ULK4: variants seen among roughly 807,000 people sequenced by gnomAD.
ULK4 encodes unc-51 like kinase 4.
Under a neutral mutation model 160.6 loss-of-function variants are expected in ULK4, and 133 were observed. The ratio of observed to expected loss-of-function variants is 0.83; its 90% CI spans 0.72 to 0.96. ULK4 has a LOEUF of 0.96. ULK4 is among the 40% of genes least tolerant of loss of function. ULK4 has a pLI of 0.00. For synonymous variants in ULK4, 534 were observed against 539.8 expected, an observed-to-expected ratio of 0.99 and a Z score of 0.15; for missense variants, 1,580 against 1,499.5, an observed-to-expected ratio of 1.05 and a Z score of -0.89.
At chr3:41,663,834 T>C (rs1452474490) in intron 29 of ULK4, 135 bp from the exon 30 acceptor site, 1 of 689,232 alleles carries the variant, frequency 1.5e-6, no homozygotes, top group Non-Finnish European at 2.4e-6. Context: ...TTTAAGTAAT[T>C]TACCTCTCAT....
intron 32 of ULK4, among the ~76,000 whole-genome samples, chr3:41,474,702 T>C (rs1001866124): frequency 5.5e-4 from 83 of 150,918 alleles, no homozygotes; most frequent in Admixed American, 5.5e-3. Context: ...TGAATAGACA[T>C]TTCTCAAAAG....
At chr3:41,757,595 A>G (rs1193646116) in intron 21 of ULK4, among the ~76,000 whole-genome samples, 4 of 144,852 alleles carry the variant, frequency 2.8e-5, no homozygotes, top group Non-Finnish European at 6.0e-5. Flanking sequence ...TCGTGCCACT[A>G]CACTCCAGCC....
At chr3:41,703,145 T>C (rs1051576238) in intron 27 of ULK4, among the ~76,000 whole-genome samples, 1 of 152,100 alleles carries the variant, frequency 6.6e-6, no homozygotes, top group East Asian at 1.9e-4. Context: ...TGATCCACCA[T>C]GCCGGGCCAA....
At chr3:41,516,018 C>T (rs970649380) in intron 32 of ULK4, among the ~76,000 whole-genome samples, 2 of 152,140 alleles carry the variant, frequency 1.3e-5, no homozygotes, top group African/African-American at 4.8e-5. Context: ...TATAAATTCA[C>T]TAAATTGTAT....
At chr3:41,858,147 GTTTTTTTTTTT>G (rs71288052) in intron 17 of ULK4, among the ~76,000 whole-genome samples, 2 of 92,116 alleles carry the variant, frequency 2.2e-5, no homozygotes, top group Non-Finnish European at 4.2e-5. Context: ...TTTTTTGTTT[GTTTTTTTTTTT>G]TTTTTTTTTT....
chr3:41,787,528 G>A (rs2040032330), intron 21 of ULK4, among the ~76,000 whole-genome samples: 1 of 152,098 alleles, frequency 6.6e-6, no homozygotes, highest in Admixed American at 6.6e-5. Context: ...TCTTCCCCCT[G>A]CCAATTCAGT....
At chr3:41,567,428 G>C (rs965478215) in intron 31 of ULK4, among the ~76,000 whole-genome samples, 1 of 149,610 alleles carries the variant, frequency 6.7e-6, no homozygotes, top group South Asian at 2.1e-4. Flanking sequence ...TCATTGAGAA[G>C]GTGTCACTTA....
At chr3:41,475,746 G>C (rs2084121557) in intron 32 of ULK4, among the ~76,000 whole-genome samples, 1 of 152,154 alleles carries the variant, frequency 6.6e-6, no homozygotes, top group African/African-American at 2.4e-5. Flanking sequence ...ACTAGGTACT[G>C]TGGACTGAAG....
At chr3:41,306,334 C>T (rs2079932820) in intron 35 of ULK4, among the ~76,000 whole-genome samples, 1 of 134,048 alleles carries the variant, frequency 7.5e-6, no homozygotes, top group Non-Finnish European at 1.5e-5. Context: ...GCCGCCCCAT[C>T]CGGGAGGGAG....
At chr3:41,722,115 G>C (rs1453696340) in intron 22 of ULK4, among the ~76,000 whole-genome samples, 1 of 152,148 alleles carries the variant, frequency 6.6e-6, no homozygotes, top group African/African-American at 2.4e-5. Flanking sequence ...ACTGCTGTGA[G>C]GATGTAAATG....
intron 35 of ULK4, among the ~76,000 whole-genome samples, chr3:41,390,345 G>GT (rs2081930272): frequency 6.6e-6 from 1 of 152,134 alleles, no homozygotes; most frequent in South Asian, 2.1e-4. Context: ...TTTTTGAAGG[G>GT]TTTTTTGTGT....
intron 31 of ULK4, among the ~76,000 whole-genome samples, chr3:41,608,081 T>G (rs1323919391): frequency 6.6e-6 from 1 of 152,254 alleles, no homozygotes; most frequent in East Asian, 1.9e-4. Flanking sequence ...AAAATTTCTA[T>G]GTAATAACTT....
intron 35 of ULK4, among the ~76,000 whole-genome samples, chr3:41,317,772 C>T (rs2080173408): frequency 6.6e-6 from 1 of 152,168 alleles, no homozygotes; most frequent in Admixed American, 6.5e-5. Context: ...CAAACTATTC[C>T]AGAAGGTGAT....
rs192831645 is a variant in ULK4, at chr3:41,775,148, C to A, written c.2193+14513G>T. The stretch of plus-strand genomic sequence containing the variant: ...ATGACCAGTTAATGGGTGCAGCACA[C>A]CAACATGGCACATGTATACATATGT... On this transcript the variant is annotated intron_variant, in intron 21 of 36. Transcript: ENST00000301831. Among the ~76,000 whole-genome samples the A allele has an allele frequency of 8.1e-4, 121 of 149,604 alleles. 7 individuals are homozygous for A. Among genetic ancestry groups the A allele is most frequent in the African/African-American group, 2.9e-3 (115 of 39,372 alleles).
rs571173335 is a variant in ULK4, at chr3:41,736,716, T to G, written c.2321+17645A>C. 9.5e-3 allele frequency among the ~76,000 whole-genome samples: 1,439 copies of G among 151,190 alleles called. 16 individuals carry two copies. The highest frequency in any genetic ancestry group is 0.013 in the Non-Finnish European group (882 of 67,974). ...GTTTAATTAGATCCCATTTGTCAAT[T>G]TTGTCTTTTGTTGCCATTGCTTTTG... On this transcript the variant is annotated intron_variant, in intron 22 of 36. Transcript: ENST00000301831.
At chr3:41,770,033 A>G (rs1182186382) in intron 21 of ULK4, among the ~76,000 whole-genome samples, 1 of 152,184 alleles carries the variant, frequency 6.6e-6, no homozygotes, top group African/African-American at 2.4e-5. Flanking sequence ...TTGGATTGCA[A>G]TTTTCCTTTA....
intron 31 of ULK4, among the ~76,000 whole-genome samples, chr3:41,594,539 A>AAAAAT (rs1008097924): frequency 1.9e-4 from 29 of 152,252 alleles, no homozygotes; most frequent in African/African-American, 3.6e-4. Flanking sequence ...CTCTATCTCT[A>AAAAAT]AAAATAAAAT....
intron 17 of ULK4, among the ~76,000 whole-genome samples, chr3:41,850,021 C>T (rs1053992389): frequency 4.6e-5 from 7 of 152,096 alleles, no homozygotes; most frequent in Non-Finnish European, 7.4e-5. Context: ...CCCAAGTGTC[C>T]TCATTGTTCA....
chr3:41,786,623 T>C (rs1575707096), intron 21 of ULK4, among the ~76,000 whole-genome samples: 2 of 142,700 alleles, frequency 1.4e-5, no homozygotes, highest in South Asian at 2.2e-4. Flanking sequence ...AAAAAGCAAA[T>C]GTTCAATAAA....
Sources: gnomAD v4.1 joint callset for allele counts (sites outside exome capture counted in the v4.1 genomes callset) on GRCh38, gnomAD v4.1.1 for gene constraint, MANE v1.5 for transcripts, NCBI Gene and HGNC (gene_info 2026-07-23, HGNC 2026-07-21) for gene names.